The following PTPRN2 variants were observed in gnomAD, a reference collection of about 807,000 sequenced individuals.
PTPRN2 encodes the protein receptor-type tyrosine-protein phosphatase N2.
A neutral mutation model predicts 118.8 loss-of-function variants in PTPRN2; 74 were observed. The ratio of observed to expected loss-of-function variants is 0.62; its 90% confidence interval spans 0.52 to 0.76. The LOEUF is 0.76. Among genes scored for constraint, PTPRN2 ranks in the 30% least tolerant of loss-of-function variants. The pLI is 0.00. For synonymous variants in PTPRN2, 641 were observed against 608.0 expected (o/e 1.05, Z -0.80); for missense variants, 1,481 against 1,394.4 (o/e 1.06, Z -0.99).
At chr7:158,274,188 G>A (rs373143536) in intron 3 of PTPRN2, among the ~76,000 whole-genome samples, 38 of 56,334 alleles carry the variant, frequency 6.7e-4, no homozygotes, top group South Asian at 1.6e-3. Flanking sequence ...GGAGACACAC[G>A]AGGAGCCGCA....
At chr7:158,348,261 C>T (rs191679490) in intron 2 of PTPRN2, among the ~76,000 whole-genome samples, 7 of 151,912 alleles carry the variant, frequency 4.6e-5, no homozygotes, top group Non-Finnish European at 8.8e-5. Flanking sequence ...GCCAGAGCCA[C>T]CCTGGGTTCG....
chr7:157,775,263 A>C (rs1803130621), intron 12 of PTPRN2, among the ~76,000 whole-genome samples: 4 of 152,124 alleles, frequency 2.6e-5, no homozygotes, highest in Admixed American at 2.0e-4. Context: ...CTGTCATATG[A>C]GCTGCTCTTT....
In PTPRN2 at chr7:157,877,053, T is replaced by A. The variant is rs575036565; in HGVS notation, c.1788+21620A>T. The stretch of plus-strand genomic sequence containing the variant: ...TTTCCTCGGGGACCCCATATCTGAG[T>A]GCAGCACCAGGGTTTCCTCGGGGAC... On this transcript the variant is annotated intron_variant, in intron 12 of 22. Transcript: ENST00000389418. 7.9e-5 allele frequency among the ~76,000 whole-genome samples: 12 copies of A among 151,910 alleles called. 1 individual carries two copies. In the East Asian group the frequency reaches 2.3e-3, roughly 30 times the overall value.
intron 11 of PTPRN2, among the ~76,000 whole-genome samples, chr7:157,923,720 C>T (rs558945638): frequency 2.0e-4 from 31 of 152,210 alleles, no homozygotes; most frequent in African/African-American, 7.0e-4. Flanking sequence ...CAGAAACCAA[C>T]AAGAGGAAAT....
In PTPRN2 at chr7:158,015,263, T is replaced by C. The variant is rs1357397310; in HGVS notation, c.1723+66035A>G. Among the ~76,000 whole-genome samples the C allele has an allele frequency of 3.3e-5, 5 of 152,248 alleles. No homozygotes were observed. Among genetic ancestry groups the C allele is most frequent in the Admixed American group, 2.0e-4 (3 of 15,292 alleles). On this transcript the variant is annotated intron_variant, in intron 11 of 22. Coordinates refer to ENST00000389418, the MANE Select transcript of PTPRN2 (RefSeq NM_002847.5). The surrounding 1 kb of genome is among the most constrained non-coding windows in gnomAD (Gnocchi z 4.2). ...AATCTAGTGATTTGGTTGTTGATCT[T>C]TGAACTTCTCTAAGCCATTATACCT...
Position 158,365,872 on chromosome 7 carries a change from G to A in PTPRN2, c.164-48940C>T, listed in dbSNP as rs1171946617. On this transcript the variant is annotated intron_variant, in intron 2 of 22. Coordinates refer to ENST00000389418, the MANE Select transcript of PTPRN2 (RefSeq NM_002847.5). The stretch of plus-strand genomic sequence containing the variant: ...CACCCACACACACACAGCATCCCTG[G>A]GAGAAGCCGCAGCCCAATGCACGCG... Among the ~76,000 whole-genome samples, 21 of 94,126 alleles carry A rather than the reference G, an allele frequency of 2.2e-4. 1 individual carries two copies. Among genetic ancestry groups the A allele is most frequent in the Non-Finnish European group, 4.1e-4 (19 of 46,238 alleles). The allele number at this position is 94,126 out of a possible 152,430, so 61.8% of individuals were successfully genotyped here.
chr7:158,070,859 CGTGGTG>C lies in PTPRN2; in HGVS notation c.1723+10433_1723+10438del, dbSNP rs1317391868. Among the ~76,000 whole-genome samples, 2 of 99,618 alleles carry C rather than the reference CGTGGTG, an allele frequency of 2.0e-5. 1 individual carries two copies. Among genetic ancestry groups the C allele is most frequent in the African/African-American group, 9.2e-5 (2 of 21,646 alleles). 65.4% of individuals were successfully genotyped at this position (99,618 alleles called of 152,430 possible). On this transcript the variant is annotated intron_variant, in intron 11 of 22. Coordinates refer to ENST00000389418, the MANE Select transcript of PTPRN2 (RefSeq NM_002847.5). ...GTGCCCATGGTGGTATGGAGGTGCC[CGTGGTG>C]GTGGTGGTGCCCATGGTGGTGGAGG...
intron 2 of PTPRN2, among the ~76,000 whole-genome samples, chr7:158,458,285 C>T (rs1818683545): frequency 6.6e-6 from 1 of 152,172 alleles, no homozygotes. Context: ...AGGAAGTGGG[C>T]CGGGCGAGTG....
chr7:158,330,542 C>A (rs1362665419), intron 2 of PTPRN2, among the ~76,000 whole-genome samples: 1 of 55,476 alleles, frequency 1.8e-5, no homozygotes, highest in African/African-American at 6.8e-5. Context: ...GAGCTGACAC[C>A]CGCAGACGTC....
intron 12 of PTPRN2, among the ~76,000 whole-genome samples, chr7:157,683,969 T>C (rs1217373039): frequency 6.6e-6 from 1 of 152,106 alleles, no homozygotes; most frequent in South Asian, 2.1e-4. Context: ...AAATGGATTT[T>C]TCCCCATGAA....
intron 1 of PTPRN2, among the ~76,000 whole-genome samples, chr7:158,521,561 C>T (rs542924033): frequency 4.0e-5 from 6 of 149,930 alleles, no homozygotes; most frequent in African/African-American, 7.5e-5. Context: ...GTGGACTGTC[C>T]AGGTACTGGC....
chr7:158,539,533 T>C (rs1825848550), intron 1 of PTPRN2: 1 of 155,652 alleles, frequency 6.4e-6, no homozygotes, highest in African/African-American at 2.4e-5. Flanking sequence ...GGAGCTCGAA[T>C]GAGTGACGGT....
chr7:158,324,966 C>T (rs565831316), intron 2 of PTPRN2, among the ~76,000 whole-genome samples: 14 of 152,204 alleles, frequency 9.2e-5, no homozygotes, highest in African/African-American at 2.9e-4. Context: ...GGCCCAGAGA[C>T]GCTAACTGTG....
At chr7:158,217,168 C>T (rs1828011790) in intron 3 of PTPRN2, among the ~76,000 whole-genome samples, 1 of 152,150 alleles carries the variant, frequency 6.6e-6, no homozygotes, top group African/African-American at 2.4e-5. Context: ...GCACTTTTGC[C>T]AGCAACCACC....
chr7:158,357,485 C>G (rs10258487), intron 2 of PTPRN2, among the ~76,000 whole-genome samples: 4 of 152,222 alleles, frequency 2.6e-5, no homozygotes, highest in Admixed American at 1.3e-4. Flanking sequence ...GGCCAGACCC[C>G]GGACAAGGCC....
Position 157,817,568 on chromosome 7 carries a change from C to T in PTPRN2, c.1788+81105G>A, listed in dbSNP as rs552100346. 9.8e-5 allele frequency among the ~76,000 whole-genome samples: 15 copies of T among 152,348 alleles called. No individual in the cohort carries two copies. The East Asian group carries it at 2.7e-3, about 27-fold the overall frequency. On this transcript the variant is annotated intron_variant, in intron 12 of 22. Coordinates refer to ENST00000389418, the MANE Select transcript of PTPRN2 (RefSeq NM_002847.5). ...GGCCAAAGACCACATTACACCACAT[C>T]TGTCCTCAGGGAAAAGAGGAGAGAA...
At chr7:158,506,814 C>T (rs560659572) in intron 1 of PTPRN2, among the ~76,000 whole-genome samples, 23 of 152,272 alleles carry the variant, frequency 1.5e-4, no homozygotes, top group African/African-American at 4.1e-4. Flanking sequence ...CCCGCCCCTC[C>T]GCCATCGCCA....
intron 19 of PTPRN2, among the ~76,000 whole-genome samples, chr7:157,576,280 C>A (rs1348540898): frequency 2.0e-5 from 3 of 152,242 alleles, no homozygotes; most frequent in Non-Finnish European, 4.4e-5. Flanking sequence ...TCCAACTGAA[C>A]ATCCGAGCTT....
chr7:157,867,499 C>G (rs112107281), intron 12 of PTPRN2, among the ~76,000 whole-genome samples: 1 of 128,414 alleles, frequency 7.8e-6, no homozygotes, highest in Admixed American at 8.0e-5. Context: ...CCTGGATACA[C>G]GGCCACCTGG....
Sources: gnomAD v4.1 joint callset for allele counts (sites outside exome capture counted in the v4.1 genomes callset) on GRCh38, gnomAD v4.1.1 for gene constraint, Gnocchi (gnomAD v3.1) non-coding constraint, MANE v1.5 for transcripts, NCBI Gene and HGNC (gene_info 2026-07-23, HGNC 2026-07-21) for gene names.